KIF3B: variants seen among roughly 807,000 people sequenced by gnomAD.
KIF3B encodes the protein kinesin-like protein KIF3B.
KIF3B carries 38 observed loss-of-function variants against 74.3 expected under a neutral mutation model. That is an observed-to-expected ratio of 0.51 (90% CI 0.39 to 0.67). The LOEUF (loss-of-function observed/expected upper bound fraction) is 0.67. Ranked by LOEUF, KIF3B falls within the 30% of genes least tolerant of loss-of-function variation. The pLI is 0.00. For missense variants in KIF3B, 649 were observed against 932.0 expected (o/e 0.70, Z 3.95); for synonymous variants, 326 against 342.5 (o/e 0.95, Z 0.53).
intron 1 of KIF3B, among the ~76,000 whole-genome samples, chr20:32,302,440 A>G (rs1263916504): frequency 6.6e-6 from 1 of 152,156 alleles, no homozygotes; most frequent in Non-Finnish European, 1.5e-5. Flanking sequence ...TGTTTCTATC[A>G]TTTTGGAGAG....
At chr20:32,297,564 C>T (rs1172128153) in intron 1 of KIF3B, among the ~76,000 whole-genome samples, 2 of 152,094 alleles carry the variant, frequency 1.3e-5, no homozygotes, top group Admixed American at 6.6e-5. Flanking sequence ...TACAGAGCCT[C>T]GGCAAATGGC....
intron 1 of KIF3B, among the ~76,000 whole-genome samples, chr20:32,306,778 A>C (rs1170602381): frequency 6.6e-6 from 1 of 151,824 alleles, no homozygotes; most frequent in Non-Finnish European, 1.5e-5. Flanking sequence ...TATGTTTAGT[A>C]AAGACGGGGT....
intron 1 of KIF3B, among the ~76,000 whole-genome samples, chr20:32,278,932 T>G (rs1384914382): frequency 6.7e-6 from 1 of 149,602 alleles, no homozygotes; most frequent in Non-Finnish European, 1.5e-5. Flanking sequence ...TTTTTTTTTT[T>G]TTTTTTTTTG....
At chr20:32,321,995 C>T (rs1250225750) in intron 5 of KIF3B, among the ~76,000 whole-genome samples, 1 of 152,090 alleles carries the variant, frequency 6.6e-6, no homozygotes, top group Non-Finnish European at 1.5e-5. Flanking sequence ...CACAGTATCT[C>T]TGAGGTATGC....
intron 2 of KIF3B, among the ~76,000 whole-genome samples, chr20:32,312,005 G>A (rs2047803031): frequency 6.6e-6 from 1 of 151,742 alleles, no homozygotes; most frequent in African/African-American, 2.4e-5. Context: ...GTTTCACTAT[G>A]TTGGCCTGGC....
At chr20:32,313,908 A>C (rs772902481) in intron 2 of KIF3B, among the ~76,000 whole-genome samples, 5 of 152,088 alleles carry the variant, frequency 3.3e-5, no homozygotes, top group Non-Finnish European at 5.9e-5. Context: ...AGGTCTCACT[A>C]TGTTGCCTAG....
intron 1 of KIF3B, among the ~76,000 whole-genome samples, chr20:32,278,576 G>A (rs2047627266): frequency 6.6e-6 from 1 of 152,024 alleles, no homozygotes; most frequent in Non-Finnish European, 1.5e-5. Context: ...CCCCAACCCC[G>A]GTTTTACTTC....
chr20:32,326,939 T>G, intron 6 of KIF3B, 55 bp downstream of exon 6: 1 of 901,640 alleles, frequency 1.1e-6, no homozygotes, highest in Middle Eastern at 3.2e-4. Context: ...GAAAAGAATG[T>G]TGATAACAAG....
chr20:32,297,953 A>T (rs2047724010), intron 1 of KIF3B, among the ~76,000 whole-genome samples: 1 of 152,058 alleles, frequency 6.6e-6, no homozygotes, highest in Non-Finnish European at 1.5e-5. Flanking sequence ...ACTTAAAAAA[A>T]TACAAAATTA....
At chr20:32,307,698 G>A (rs1253802847) in intron 1 of KIF3B, among the ~76,000 whole-genome samples, 2 of 151,908 alleles carry the variant, frequency 1.3e-5, no homozygotes, top group Non-Finnish European at 2.9e-5. Context: ...TTGGGAGGCC[G>A]AGGTGGGTGG....
intron 1 of KIF3B, among the ~76,000 whole-genome samples, chr20:32,288,055 G>A (rs889143114): frequency 1.3e-5 from 2 of 151,560 alleles, no homozygotes; most frequent in Non-Finnish European, 2.9e-5. Context: ...GCTGATTTTG[G>A]TATTTTTAGT....
Position 32,309,741 on chromosome 20 carries a change from T to G in KIF3B, c.-37T>G. ...CGTAGCATCCTGAGACATTTTGAATTGACACTTCTCAAGATTTGACTGGAT... is the reference window on the plus strand; with the variant it reads ...CGTAGCATCCTGAGACATTTTGAATGGACACTTCTCAAGATTTGACTGGAT... On this transcript the variant is annotated 5_prime_UTR_variant, in exon 2 of 9. It adds an upstream start codon to the 5' untranslated region. Transcript: ENST00000375712. 1 of 1,583,052 alleles carries G rather than the reference T, an allele frequency of 6.3e-7. No individual in the cohort carries two copies. The highest frequency in any genetic ancestry group is 8.6e-7 in the Non-Finnish European group (1 of 1,163,956).
intron 5 of KIF3B, among the ~76,000 whole-genome samples, chr20:32,323,355 C>T (rs1365492383): frequency 1.3e-5 from 2 of 150,632 alleles, no homozygotes; most frequent in Non-Finnish European, 2.9e-5. Flanking sequence ...GTTATTAAGT[C>T]TCTTAGACTT....
At position 32,332,664 on chromosome 20, in the gene KIF3B, G is replaced by A. The variant is rs2047935877; in HGVS notation, c.*1345G>A. ...TTTCCCTCAAGAGAAGCTCATAAGT[G>A]TGTGTGGGTGTGAGAGCACGATGGT... On this transcript the variant is annotated 3_prime_UTR_variant, in exon 9 of 9. Coordinates refer to ENST00000375712, the MANE Select transcript of KIF3B (RefSeq NM_004798.4). The A allele has an allele frequency of 6.6e-6, 1 of 152,246 alleles. No individual in the cohort carries two copies. The highest frequency in any genetic ancestry group is 1.5e-5 in the Non-Finnish European group (1 of 68,058). 9.4% of individuals were successfully genotyped at this position (152,246 alleles called of 1,614,324 possible).
At chr20:32,299,207 C>A (rs2047729985) in intron 1 of KIF3B, among the ~76,000 whole-genome samples, 1 of 151,412 alleles carries the variant, frequency 6.6e-6, no homozygotes, top group African/African-American at 2.4e-5. Flanking sequence ...ACTCTATTCA[C>A]CTCTATAGTT....
At chr20:32,294,176 T>C (rs945552021) in intron 1 of KIF3B, among the ~76,000 whole-genome samples, 3 of 152,222 alleles carry the variant, frequency 2.0e-5, no homozygotes, top group African/African-American at 4.8e-5. Flanking sequence ...TTTTTGAATG[T>C]ATTTTATGTT....
intron 1 of KIF3B, among the ~76,000 whole-genome samples, chr20:32,284,594 A>C (rs2047658997): frequency 6.6e-6 from 1 of 152,142 alleles, no homozygotes; most frequent in African/African-American, 2.4e-5. Context: ...TCCGAGACCA[A>C]CCTGGGCAAA....
chr20:32,321,419 ACT>A (rs1396037536), intron 5 of KIF3B, among the ~76,000 whole-genome samples: 2 of 144,774 alleles, frequency 1.4e-5, no homozygotes, highest in Non-Finnish European at 3.0e-5. Context: ...ACAGAGCAAG[ACT>A]CTGTCTCAAA....
rs1234896399 is a variant in KIF3B at position 32,334,689 on chromosome 20, C to T, written c.*3370C>T. 1 of 152,242 alleles carries T rather than the reference C, an allele frequency of 6.6e-6. No homozygotes were observed. Among genetic ancestry groups the T allele is most frequent in the Non-Finnish European group, 1.5e-5 (1 of 68,060 alleles). The allele number at this position is 152,242 out of a possible 1,614,324, so 9.4% of individuals were successfully genotyped here. A position where few individuals can be genotyped will look rare whatever the true frequency, so the allele number is the denominator to read the frequency against. On this transcript the variant is annotated 3_prime_UTR_variant, in exon 9 of 9. Transcript: ENST00000375712. The stretch of plus-strand genomic sequence containing the variant: ...GTGGGCCTGGTGATTGTCTATCACG[C>T]AAGGCTTTGTTTTGTACTGTTCAGA...
Sources: gnomAD v4.1 joint callset for allele counts (sites outside exome capture counted in the v4.1 genomes callset) on GRCh38, gnomAD v4.1.1 for gene constraint, MANE v1.5 for transcripts, NCBI Gene and HGNC (gene_info 2026-07-23, HGNC 2026-07-21) for gene names.